The following DHRSX variants were observed in gnomAD, a reference collection of about 807,000 sequenced individuals.
The protein encoded by DHRSX is polyprenol dehydrogenase.
A neutral mutation model predicts 34.0 loss-of-function variants in DHRSX; 31 were observed. The ratio of observed to expected loss-of-function variants is 0.91; its 90% CI spans 0.69 to 1.23. The LOEUF is 1.23. Among genes scored for constraint, DHRSX ranks in the 50% most tolerant of loss-of-function variants. DHRSX has a pLI of 0.00. For missense variants in DHRSX, 414 were observed against 428.1 expected, an observed-to-expected ratio of 0.97 and a Z score of 0.29; for synonymous variants, 201 against 183.8, an observed-to-expected ratio of 1.09 and a Z score of -0.76.
chrX:2,450,127 CAA>C (rs36055442), intron 1 of DHRSX, among the ~76,000 whole-genome samples: 3 of 148,460 alleles, frequency 2.0e-5, no homozygotes, highest in Non-Finnish European at 3.0e-5. Context: ...ATTAGTGCCT[CAA>C]AAAAAAAAGG....
intron 3 of DHRSX, among the ~76,000 whole-genome samples, chrX:2,303,065 T>C (rs1300384077): frequency 1.3e-5 from 2 of 152,224 alleles, no homozygotes; most frequent in East Asian, 1.9e-4. Context: ...CTGCTAATAA[T>C]TGGAACCAGT....
chrX:2,361,408 TAA>T (rs1193429683), intron 3 of DHRSX, among the ~76,000 whole-genome samples: 4 of 152,154 alleles, frequency 2.6e-5, no homozygotes, highest in Non-Finnish European at 4.4e-5. Context: ...CCCAGCTCAA[TAA>T]AAGTTTTTAA....
chrX:2,455,793 T>G (rs1483525217), intron 1 of DHRSX, among the ~76,000 whole-genome samples: 1 of 151,218 alleles, frequency 6.6e-6, no homozygotes, highest in Non-Finnish European at 1.5e-5. Context: ...CACTGCATGC[T>G]TCTATGGGGA....
At chrX:2,467,489 A>C (rs1251123731) in intron 1 of DHRSX, among the ~76,000 whole-genome samples, 2 of 152,086 alleles carry the variant, frequency 1.3e-5, no homozygotes, top group Non-Finnish European at 2.9e-5. Context: ...TAACAGGGAC[A>C]ACGTGCGGCA....
intron 3 of DHRSX, among the ~76,000 whole-genome samples, chrX:2,321,611 G>A (rs1411861284): frequency 2.0e-5 from 3 of 152,080 alleles, no homozygotes; most frequent in South Asian, 2.1e-4. Context: ...GAGACCATCT[G>A]TAAACCAAGA....
At chrX:2,461,249 C>T (rs1199460778) in intron 1 of DHRSX, among the ~76,000 whole-genome samples, 2 of 152,116 alleles carry the variant, frequency 1.3e-5, no homozygotes, top group East Asian at 1.9e-4. Flanking sequence ...AATAGGAGTC[C>T]GGTGACCTCG....
intron 4 of DHRSX, among the ~76,000 whole-genome samples, chrX:2,276,448 C>T (rs181756205): frequency 1.3e-5 from 2 of 152,240 alleles, no homozygotes; most frequent in Non-Finnish European, 1.5e-5. Flanking sequence ...ATAAAACTAT[C>T]GTCCATCGAT....
At chrX:2,425,155 A>AAC in intron 2 of DHRSX, 42 bp downstream of exon 2, 1 of 1,510,874 alleles carries the variant, frequency 6.6e-7, no homozygotes. Context: ...AAAAAAAAAA[A>AAC]CCGAAAAAAC....
chrX:2,230,777 A>C (rs943088261), intron 6 of DHRSX, among the ~76,000 whole-genome samples: 3 of 152,122 alleles, frequency 2.0e-5, no homozygotes, highest in Non-Finnish European at 4.4e-5. Context: ...TCAAGGCTGC[A>C]ATGTCAAATC....
chrX:2,352,451 G>A (rs1248986325), intron 3 of DHRSX, among the ~76,000 whole-genome samples: 7 of 152,048 alleles, frequency 4.6e-5, no homozygotes, highest in Admixed American at 6.6e-5. Flanking sequence ...TGAAAATACC[G>A]TCCTACTTGC....
chrX:2,346,631 G>A (rs1324021906), intron 3 of DHRSX, among the ~76,000 whole-genome samples: 1 of 141,516 alleles, frequency 7.1e-6, no homozygotes, highest in Non-Finnish European at 1.5e-5. Context: ...TTGTAGGGAT[G>A]TTGTATGAGT....
chrX:2,331,506 A>G (rs112244598), intron 3 of DHRSX, among the ~76,000 whole-genome samples: 46,793 of 132,504 alleles, frequency 0.35, 9,929 homozygotes, highest in African/African-American at 0.62. Context: ...GGAGTGCCAT[A>G]GCGCGATCTT....
intron 1 of DHRSX, chrX:2,490,215 A>C (rs772814833): frequency 6.2e-7 from 1 of 1,613,914 alleles, no homozygotes; most frequent in Admixed American, 1.7e-5. Flanking sequence ...GCCTTGGTAG[A>C]GATGTACTTC....
intron 5 of DHRSX, among the ~76,000 whole-genome samples, chrX:2,246,734 A>AAGAAAG (rs2016301501): frequency 8.6e-6 from 1 of 115,936 alleles, no homozygotes; most frequent in Non-Finnish European, 2.2e-5. Flanking sequence ...GAAAGAAAGA[A>AAGAAAG]AGAAAGAAAG....
At chrX:2,473,650 A>G (rs1431133445) in intron 1 of DHRSX, among the ~76,000 whole-genome samples, 1 of 143,534 alleles carries the variant, frequency 7.0e-6, no homozygotes, top group African/African-American at 2.8e-5. Flanking sequence ...AAAAAGAATG[A>G]AAGGTGCACA....
At chrX:2,493,697 C>T (rs5939493) in intron 1 of DHRSX, among the ~76,000 whole-genome samples, 14 of 152,084 alleles carry the variant, frequency 9.2e-5, no homozygotes, top group African/African-American at 3.4e-4. Context: ...GCACCAGGCA[C>T]AGCGGCTCAC....
chrX:2,253,439 G>C (rs1207064723), intron 5 of DHRSX, among the ~76,000 whole-genome samples: 2 of 150,786 alleles, frequency 1.3e-5, no homozygotes, highest in East Asian at 2.0e-4. Flanking sequence ...CCAAGATGTC[G>C]CGGCCGCACT....
intron 6 of DHRSX, among the ~76,000 whole-genome samples, chrX:2,236,719 ACTG>A (rs2016024149): frequency 6.6e-6 from 1 of 152,112 alleles, no homozygotes; most frequent in South Asian, 2.1e-4. Context: ...GGTGTGAGCC[ACTG>A]CGCCCGGCCA....
intron 3 of DHRSX, among the ~76,000 whole-genome samples, chrX:2,374,687 C>T (rs1162725432): frequency 2.2e-5 from 3 of 137,120 alleles, no homozygotes; most frequent in African/African-American, 7.4e-5. Flanking sequence ...TGCAGTGAGC[C>T]GAGATCACGC....
Sources: gnomAD v4.1 joint callset for allele counts (sites outside exome capture counted in the v4.1 genomes callset) on GRCh38, gnomAD v4.1.1 for gene constraint, MANE v1.5 for transcripts, NCBI Gene and HGNC (gene_info 2026-07-23, HGNC 2026-07-21) for gene names.